Variants in NRXN3 observed in about 807,000 individuals in gnomAD.
NRXN3 encodes the protein neurexin III.
NRXN3 carries 32 observed loss-of-function variants against 137.6 expected under a neutral mutation model. The observed-to-expected ratio is 0.23, with a 90% confidence interval of 0.18 to 0.31. NRXN3 has a LOEUF of 0.31. NRXN3 is among the 10% of genes least tolerant of loss of function. The probability of loss-of-function intolerance (pLI) is 1.00; values close to 1 mark genes in which losing one functional copy is unlikely to be tolerated. For missense variants in NRXN3, 1,574 were observed against 2,062.5 expected (o/e 0.76, Z 4.59); for synonymous variants, 798 against 784.5 (o/e 1.02, Z -0.29).
At chr14:78,576,091 G>T (rs2096933106) in intron 4 of NRXN3, among the ~76,000 whole-genome samples, 1 of 152,192 alleles carries the variant, frequency 6.6e-6, no homozygotes, top group South Asian at 2.1e-4. Context: ...ACATGTATTA[G>T]TCATGCACAG....
intron 16 of NRXN3, among the ~76,000 whole-genome samples, chr14:79,625,264 G>T (rs1240805990): frequency 1.3e-5 from 2 of 152,084 alleles, no homozygotes; most frequent in Non-Finnish European, 2.9e-5. Flanking sequence ...AGCATGAGGA[G>T]AATATTGAAC....
intron 15 of NRXN3, among the ~76,000 whole-genome samples, chr14:79,213,684 C>T (rs1029132399): frequency 2.0e-5 from 3 of 151,496 alleles, no homozygotes; most frequent in Admixed American, 1.3e-4. Flanking sequence ...GAAGACAAAA[C>T]GAGGATTTAT....
intron 8 of NRXN3, among the ~76,000 whole-genome samples, chr14:78,735,103 G>C (rs1595338159): frequency 6.6e-6 from 1 of 152,128 alleles, no homozygotes; most frequent in East Asian, 1.9e-4. Context: ...GCATTGACCA[G>C]GGATGTGAAG....
intron 19 of NRXN3, among the ~76,000 whole-genome samples, chr14:79,796,498 C>G (rs2099161315): frequency 1.3e-5 from 2 of 151,548 alleles, no homozygotes; most frequent in Admixed American, 1.3e-4. Flanking sequence ...CCTTTTTGAG[C>G]AAATAGAAGA....
At chr14:78,873,017 G>C (rs1596753016) in intron 10 of NRXN3, among the ~76,000 whole-genome samples, 1 of 152,162 alleles carries the variant, frequency 6.6e-6, no homozygotes, top group East Asian at 1.9e-4. Flanking sequence ...CTCAGTTGAT[G>C]TGATCCTTAT....
intron 16 of NRXN3, among the ~76,000 whole-genome samples, chr14:79,586,756 G>C (rs2097767928): frequency 6.6e-6 from 1 of 152,190 alleles, no homozygotes. Context: ...TTTTTTGAGA[G>C]AGGGTATTAT....
At chr14:79,637,550 A>G (rs2098410432) in intron 16 of NRXN3, among the ~76,000 whole-genome samples, 2 of 152,034 alleles carry the variant, frequency 1.3e-5, no homozygotes, top group East Asian at 1.9e-4. Context: ...GAGGTCCTCA[A>G]TCACTGCAGA....
At chr14:79,541,223 T>C (rs1431454396) in intron 16 of NRXN3, among the ~76,000 whole-genome samples, 1 of 152,152 alleles carries the variant, frequency 6.6e-6, no homozygotes, top group East Asian at 1.9e-4. Context: ...GCCACTGTGG[T>C]GAAACCCTGT....
intron 10 of NRXN3, among the ~76,000 whole-genome samples, chr14:78,924,020 C>T (rs138702747): frequency 3.9e-5 from 6 of 152,142 alleles, no homozygotes; most frequent in Admixed American, 2.0e-4. Flanking sequence ...GAGGCTGAGG[C>T]GGGTGGATCA....
rs55961835 is a variant in NRXN3 at position 78,659,605 on chromosome 14, G to A, written c.1221+8279G>A. Among the ~76,000 whole-genome samples the A allele has an allele frequency of 4.1e-3, 622 of 151,886 alleles. 9 individuals carry two copies. Among genetic ancestry groups the A allele is most frequent in the African/African-American group, 0.014 (590 of 41,384 alleles). On this transcript the variant is annotated intron_variant, in intron 6 of 20. Transcript: ENST00000335750. ...GGAGGTGGGAGGATCACTTGGACCC[G>A]GGAGGTTGAGGCTGCAGTGAGCCAA... is the stretch of plus-strand genomic sequence containing the variant.
At chr14:78,779,697 GA>G (rs1026521378) in intron 8 of NRXN3, among the ~76,000 whole-genome samples, 61 of 151,702 alleles carry the variant, frequency 4.0e-4, no homozygotes, top group African/African-American at 1.4e-3. Flanking sequence ...ATGTAGAACT[GA>G]AAAAAAATTC....
intron 8 of NRXN3, among the ~76,000 whole-genome samples, chr14:78,768,710 A>G (rs1595681607): frequency 6.6e-6 from 1 of 152,328 alleles, no homozygotes; most frequent in South Asian, 2.1e-4. Context: ...TACATAGTAC[A>G]CAGTAAGCAT....
At chr14:78,450,580 G>A (rs1389761438) in intron 4 of NRXN3, among the ~76,000 whole-genome samples, 5 of 152,180 alleles carry the variant, frequency 3.3e-5, no homozygotes, top group African/African-American at 4.8e-5. Flanking sequence ...AAAGCCATAA[G>A]CACACACCAG....
At chr14:79,358,607 G>GAAAGAAAGAGAAAGAAAGAAAGAAAGAA (rs10667477) in intron 15 of NRXN3, among the ~76,000 whole-genome samples, 1 of 79,982 alleles carries the variant, frequency 1.3e-5, no homozygotes, top group East Asian at 3.8e-4. Context: ...AAGAAAGAAA[G>GAAAGAAAGAGAAAGAAAGAAAGAAAGAA]AGAAAGAAAG....
chr14:79,375,238 T>G (rs1370666856), intron 15 of NRXN3, among the ~76,000 whole-genome samples: 1 of 150,442 alleles, frequency 6.6e-6, no homozygotes, highest in East Asian at 1.9e-4. Flanking sequence ...TTTTTGTGTT[T>G]TTTTTTTTTT....
At chr14:78,892,998 T>G (rs2099163679) in intron 10 of NRXN3, among the ~76,000 whole-genome samples, 1 of 151,864 alleles carries the variant, frequency 6.6e-6, no homozygotes, top group Admixed American at 6.6e-5. Flanking sequence ...GCGTCTCAAC[T>G]AGTTCAGCAT....
At position 79,418,139 on chromosome 14, in the gene NRXN3, A is replaced by G. The variant is rs1373371892; in HGVS notation, c.3263-49082A>G. On this transcript the variant is annotated intron_variant, in intron 15 of 20. Coordinates refer to ENST00000335750, the MANE Select transcript of NRXN3 (RefSeq NM_001330195.2). Reference sequence around the variant, plus strand: ...GTATTTGTACATTTCTGACATATGCATGAAGCATGAGGGAAATACAGTAAT... The same window carrying G: ...GTATTTGTACATTTCTGACATATGCGTGAAGCATGAGGGAAATACAGTAAT... 2.0e-5 allele frequency among the ~76,000 whole-genome samples: 3 copies of G among 152,178 alleles called. No homozygotes were observed. In the East Asian group the frequency reaches 5.8e-4, roughly 29 times the overall value.
intron 8 of NRXN3, among the ~76,000 whole-genome samples, chr14:78,788,367 C>T (rs1282260155): frequency 6.6e-6 from 1 of 152,158 alleles, no homozygotes; most frequent in East Asian, 1.9e-4. Context: ...AACTCTGGAT[C>T]CATTTCCAAT....
At chr14:79,281,044 A>G (rs939177005) in intron 15 of NRXN3, among the ~76,000 whole-genome samples, 2 of 152,168 alleles carry the variant, frequency 1.3e-5, no homozygotes, top group Non-Finnish European at 2.9e-5. Flanking sequence ...TGGTCAGGGA[A>G]AAGTAGCCGA....
Sources: gnomAD v4.1 joint callset for allele counts (sites outside exome capture counted in the v4.1 genomes callset) on GRCh38, gnomAD v4.1.1 for gene constraint, MANE v1.5 for transcripts, NCBI Gene and HGNC (gene_info 2026-07-23, HGNC 2026-07-21) for gene names.